Variants in ASTN2 observed in about 807,000 individuals in gnomAD.
ASTN2 encodes astrotactin 2, also known as astrotactin-2.
In ASTN2, 54 loss-of-function variants were observed where a neutral mutation model predicts 139.8. The ratio of observed to expected loss-of-function variants is 0.39; its 90% CI spans 0.31 to 0.48. The LOEUF (loss-of-function observed/expected upper bound fraction) is 0.48. Among genes scored for constraint, ASTN2 ranks in the 20% least tolerant of loss-of-function variants. The pLI is 0.95. For synonymous variants in ASTN2, 756 were observed against 719.5 expected (o/e 1.05, Z -0.81); for missense variants, 1,565 against 1,725.1 (o/e 0.91, Z 1.64).
At chr9:117,351,993 C>T (rs976652569) in intron 1 of ASTN2, among the ~76,000 whole-genome samples, 21 of 152,292 alleles carry the variant, frequency 1.4e-4, no homozygotes, top group African/African-American at 4.6e-4. Context: ...TAAGTAAACA[C>T]CGCTTACTAT....
intron 17 of ASTN2, among the ~76,000 whole-genome samples, chr9:116,624,603 C>G (rs760301307): frequency 6.6e-6 from 1 of 152,210 alleles, no homozygotes; most frequent in Non-Finnish European, 1.5e-5. Flanking sequence ...AACATCTACA[C>G]AGAATGTCAC....
At position 116,513,488 on chromosome 9, in the gene ASTN2, C is replaced by T. The variant is rs202147711; in HGVS notation, c.3356-25988G>A. Among the ~76,000 whole-genome samples, 2,634 of 151,850 alleles carry T rather than the reference C, an allele frequency of 0.017. 342 individuals are homozygous for T. In the South Asian group the frequency reaches 0.26, roughly 15 times the overall value. The stretch of plus-strand genomic sequence containing the variant: ...CTGATAATTATGTGTCTTGGAGTTG[C>T]TCTTCTCAAGGAGTTCTTTGTGGCT... On this transcript the variant is annotated intron_variant, in intron 19 of 22. Transcript: ENST00000313400.
rs561495912 is a variant in ASTN2 at position 117,252,639 on chromosome 9, G to A, written c.631-37897C>T. ...TTTATATTTGCCAGGGACTAGATAT[G>A]TCTTGTACTATTTAATCAGCAATTC... On this transcript the variant is annotated intron_variant, in intron 2 of 22. Transcript: ENST00000313400. Among the ~76,000 whole-genome samples the A allele has an allele frequency of 2.0e-5, 3 of 152,288 alleles. No homozygotes were observed. The South Asian group carries it at 6.2e-4, about 32-fold the overall frequency.
intron 3 of ASTN2, among the ~76,000 whole-genome samples, chr9:117,188,166 TAGAGAGAGAGAG>T (rs150848006): frequency 4.0e-5 from 5 of 125,670 alleles, no homozygotes; most frequent in African/African-American, 1.6e-4. Flanking sequence ...GTCTGTGTGA[TAGAGAGAGAGAG>T]AGAGAGAGAG....
chr9:117,044,292 G>C (rs533826834), intron 5 of ASTN2, among the ~76,000 whole-genome samples: 1 of 152,300 alleles, frequency 6.6e-6, no homozygotes, highest in Admixed American at 6.5e-5. Context: ...TGGGAGTTGG[G>C]GTGAGAATGA....
intron 13 of ASTN2, among the ~76,000 whole-genome samples, chr9:116,754,009 C>T (rs1374623290): frequency 2.0e-5 from 3 of 148,808 alleles, no homozygotes; most frequent in South Asian, 2.2e-4. Context: ...GCCCCTGCTG[C>T]GTCCATGTGT....
chr9:116,544,733 A>G (rs1197553304), intron 19 of ASTN2, among the ~76,000 whole-genome samples: 1 of 152,196 alleles, frequency 6.6e-6, no homozygotes, highest in Non-Finnish European at 1.5e-5. Flanking sequence ...GCTAGGGGCC[A>G]GGCCTCTAGA....
At chr9:117,337,462 A>ACC (rs1828922970) in intron 1 of ASTN2, among the ~76,000 whole-genome samples, 1 of 152,208 alleles carries the variant, frequency 6.6e-6, no homozygotes, top group African/African-American at 2.4e-5. Flanking sequence ...GTATGTGATT[A>ACC]TGCCTGGCAT....
intron 5 of ASTN2, among the ~76,000 whole-genome samples, chr9:117,044,124 A>G (rs936801411): frequency 1.3e-5 from 2 of 152,166 alleles, no homozygotes; most frequent in African/African-American, 2.4e-5. Flanking sequence ...ATAATTTCCA[A>G]AAGAAATAGT....
Position 116,724,473 on chromosome 9 carries a change from G to A in ASTN2, c.2806+1298C>T, listed in dbSNP as rs145192758. On this transcript the variant is annotated intron_variant, in intron 16 of 22. Transcript: ENST00000313400. ...GGGATCTAGAGATTGGGAAGCAGGT[G>A]GACTAGGGTTTTATCCAGTTGGGAA... Among the ~76,000 whole-genome samples, 206 of 152,278 alleles carry A rather than the reference G, an allele frequency of 1.4e-3. 1 individual carries two copies. Among genetic ancestry groups the A allele is most frequent in the African/African-American group, 4.3e-3 (177 of 41,544 alleles).
chr9:116,658,733 C>CTTTTTTTTTTTT (rs71502074), intron 16 of ASTN2, among the ~76,000 whole-genome samples: 100 of 101,120 alleles, frequency 9.9e-4, no homozygotes, highest in East Asian at 1.6e-3. Flanking sequence ...GACCACCGCT[C>CTTTTTTTTTTTT]TTTTTTTTTT....
intron 10 of ASTN2, among the ~76,000 whole-genome samples, chr9:116,885,484 G>A (rs1312223353): frequency 1.3e-5 from 2 of 152,116 alleles, no homozygotes; most frequent in Non-Finnish European, 2.9e-5. Flanking sequence ...TGGCCAACAT[G>A]GCAAAACCTC....
At chr9:117,374,441 A>G (rs1830069321) in intron 1 of ASTN2, among the ~76,000 whole-genome samples, 1 of 151,790 alleles carries the variant, frequency 6.6e-6, no homozygotes, top group East Asian at 1.9e-4. Context: ...TAGAATTACA[A>G]AGACAATGGA....
intron 10 of ASTN2, among the ~76,000 whole-genome samples, chr9:116,948,297 T>G (rs950757470): frequency 6.6e-6 from 1 of 152,214 alleles, no homozygotes; most frequent in Non-Finnish European, 1.5e-5. Context: ...ATTAAATGTA[T>G]TCATTTATTA....
intron 1 of ASTN2, among the ~76,000 whole-genome samples, chr9:117,332,672 G>T (rs1041476483): frequency 1.7e-4 from 26 of 152,196 alleles, no homozygotes; most frequent in African/African-American, 5.8e-4. Context: ...TAAAGCAAGA[G>T]CTAACACCTG....
At chr9:117,249,146 A>C (rs1343982887) in intron 2 of ASTN2, among the ~76,000 whole-genome samples, 1 of 152,252 alleles carries the variant, frequency 6.6e-6, no homozygotes, top group African/African-American at 2.4e-5. Context: ...TTGATAACCC[A>C]TAACTGCTGA....
chr9:117,124,574 T>C (rs1036781331), intron 4 of ASTN2, among the ~76,000 whole-genome samples: 7 of 152,040 alleles, frequency 4.6e-5, no homozygotes, highest in Admixed American at 1.3e-4. Flanking sequence ...TAGCTGAGAG[T>C]CTGCTGATGC....
At chr9:117,023,374 T>C (rs1381063207) in intron 6 of ASTN2, among the ~76,000 whole-genome samples, 3 of 152,190 alleles carry the variant, frequency 2.0e-5, no homozygotes, top group Non-Finnish European at 4.4e-5. Flanking sequence ...TTCCTCTGCC[T>C]GGAACACACT....
rs1348454539 is a variant in ASTN2 at position 116,699,721 on chromosome 9, A to AGTT, written c.2806+26047_2806+26049dup. ...ACCCCATAGGGGATGAGAAATTATC[A>AGTT]GTTTCTTCTGCTCCCAAGCCAACTT... On this transcript the variant is annotated intron_variant, in intron 16 of 22. Coordinates refer to ENST00000313400, the MANE Select transcript of ASTN2 (RefSeq NM_001365068.1). The surrounding 1 kb of genome is among the most constrained non-coding windows in gnomAD (Gnocchi z 4.2). 6.2e-7 allele frequency: 1 copy of AGTT among 1,614,198 alleles called. No homozygotes were observed. Among genetic ancestry groups the AGTT allele is most frequent in the Admixed American group, 1.7e-5 (1 of 60,034 alleles).
Sources: allele counts gnomAD v4.1 joint callset (sites outside exome capture counted in the v4.1 genomes callset), GRCh38; gene constraint gnomAD v4.1.1; non-coding constraint Gnocchi (gnomAD v3.1); transcripts MANE v1.5; gene names NCBI Gene and HGNC (gene_info 2026-07-23, HGNC 2026-07-21).